Variants in KLHL9 observed in about 807,000 individuals in gnomAD.
The protein encoded by KLHL9 is kelch-like protein 9.
KLHL9 carries 27 observed loss-of-function variants against 42.3 expected under a neutral mutation model. The ratio of observed to expected loss-of-function variants is 0.64; its 90% CI spans 0.47 to 0.88. The LOEUF (loss-of-function observed/expected upper bound fraction) is 0.88. KLHL9 is among the 40% of genes least tolerant of loss of function. The pLI, the probability that KLHL9 is intolerant of heterozygous loss-of-function variation, is 0.00. For synonymous variants in KLHL9, 274 were observed against 254.4 expected (o/e 1.08, Z -0.73); for missense variants, 629 against 750.3 (o/e 0.84, Z 1.89).
chr9:21,329,779 T>TATATATATAA lies in KLHL9; in HGVS notation c.*3226_*3227insTTATATATAT, dbSNP rs1820138628. 6.7e-6 allele frequency: 1 copy of TATATATATAA among 150,140 alleles called. No homozygotes were observed. The highest frequency in any genetic ancestry group is 2.4e-5 in the African/African-American group (1 of 41,060). The allele number at this position is 150,140 out of a possible 1,614,324, so 9.3% of individuals were successfully genotyped here. A position where few individuals can be genotyped will look rare whatever the true frequency, so the allele number is the denominator to read the frequency against. On this transcript the variant is annotated 3_prime_UTR_variant, in exon 1 of 1. Coordinates refer to ENST00000359039, the MANE Select transcript of KLHL9 (RefSeq NM_018847.4). ...ACATATGTACGTATATATATATATA[T>TATATATATAA]AATATACTATTAATAGAAATTATCT...
At position 21,333,518 on chromosome 9, in the gene KLHL9, T is replaced by C; in HGVS notation, c.1342A>G (p.Met448Val). 6.2e-7 allele frequency: 1 copy of C among 1,614,214 alleles called. No homozygotes were observed. The highest frequency in any genetic ancestry group is 8.5e-7 in the Non-Finnish European group (1 of 1,180,040). Residue 448 changes from methionine (M) to valine (V), a missense_variant, in exon 1 of 1, where the codon ATG (methionine) becomes GTG (valine). By Grantham distance (21) the Met-to-Val change is conservative. Coordinates refer to ENST00000359039, the MANE Select transcript of KLHL9 (RefSeq NM_018847.4). This position sits in a 1 kb window ranked among gnomAD's most constrained non-coding sequence, Gnocchi z 7.5. Reference protein sequence around the residue: ...GHAGTVYGGLMYISGGITHDT... With the variant: ...GHAGTVYGGLVYISGGITHDT... ...TGGGTAATTCCTCCTGAAATATACA[T>C]TAAGCCTCCATATACTGTTCCAGCA...
chr9:21,333,130 A>C lies in KLHL9; in HGVS notation c.1730T>G (p.Val577Gly). 1 of 1,614,182 alleles carries C rather than the reference A, an allele frequency of 6.2e-7. No individual in the cohort carries two copies. The highest frequency in any genetic ancestry group is 8.5e-7 in the Non-Finnish European group (1 of 1,180,018). Residue 577 changes from valine (V) to glycine (G), a missense_variant, in exon 1 of 1, where the codon GTT becomes GGT. Around this residue, in one of 4 missense-constraint regions of KLHL9, gnomAD observed 61 missense variants for 63.5 expected, o/e 0.96. Coordinates refer to ENST00000359039, the MANE Select transcript of KLHL9 (RefSeq NM_018847.4). The surrounding 1 kb of genome is among the most constrained non-coding windows in gnomAD (Gnocchi z 7.5). ...YDPEKDEWHK[V>G]FDLPESLGGI... is the part of the protein sequence containing the mutation. ...ACCAAGTGACTCTGGAAGATCAAAA[A>C]CTTTATGCCACTCATCTTTTTCTGG...
chr9:21,333,432 C>G lies in KLHL9; in HGVS notation c.1428G>C (p.Lys476Asn). ...GACCTCTGACTGTAGTCATTGGAGCCTTTTGCATCCATTTATCTGTATCTG... is the reference window on the plus strand; with the variant it reads ...GACCTCTGACTGTAGTCATTGGAGCGTTTTGCATCCATTTATCTGTATCTG... ...FDPDTDKWMQ[K>N]APMTTVRGLH... is the part of the protein sequence containing the mutation. Residue 476 changes from lysine (K) to asparagine (N), a missense_variant, in exon 1 of 1, where the codon AAG (lysine) becomes AAC (asparagine). Around this residue, in one of 4 missense-constraint regions of KLHL9, gnomAD observed 214 missense variants for 305.8 expected, o/e 0.70. Transcript: ENST00000359039. The surrounding 1 kb of genome is among the most constrained non-coding windows in gnomAD (Gnocchi z 7.5). 6.2e-7 allele frequency: 1 copy of G among 1,614,218 alleles called. No individual in the cohort carries two copies. Among genetic ancestry groups the G allele is most frequent in the Non-Finnish European group, 8.5e-7 (1 of 1,180,040 alleles).
chr9:21,330,439 T>C lies in KLHL9; in HGVS notation c.*2567A>G, dbSNP rs757067595. 5 of 152,118 alleles carry C rather than the reference T, an allele frequency of 3.3e-5. No individual in the cohort carries two copies. Among genetic ancestry groups the C allele is most frequent in the Non-Finnish European group, 5.9e-5 (4 of 68,040 alleles). The allele number at this position is 152,118 out of a possible 1,614,324, so 9.4% of individuals were successfully genotyped here. On this transcript the variant is annotated 3_prime_UTR_variant, in exon 1 of 1. Coordinates refer to ENST00000359039, the MANE Select transcript of KLHL9 (RefSeq NM_018847.4). Reference sequence around the variant, plus strand: ...TAGGGCTGCTCAACCTGTATTAGCATAGCATTAGTCAGCTACCTGTATGAT... The same window carrying C: ...TAGGGCTGCTCAACCTGTATTAGCACAGCATTAGTCAGCTACCTGTATGAT...
chr9:21,334,228 G>C lies in KLHL9; in HGVS notation c.632C>G (p.Thr211Ser), dbSNP rs762279981. The C allele has an allele frequency of 6.2e-7, 1 of 1,614,122 alleles. No individual in the cohort carries two copies. The highest frequency in any genetic ancestry group is 8.5e-7 in the Non-Finnish European group (1 of 1,180,006). The change falls in exon 1 of 1, where the codon ACC becomes AGC. Residue 211 changes from threonine to serine, a missense_variant. By Grantham distance (58) the Thr-to-Ser change is moderately conservative. Around this residue, in one of 4 missense-constraint regions of KLHL9, gnomAD observed 351 missense variants for 363.1 expected, o/e 0.97. Transcript: ENST00000359039. The surrounding 1 kb of genome is among the most constrained non-coding windows in gnomAD (Gnocchi z 5.1). ...GGCTGCCTTAAAGAGTTCAAGTTCG[G>C]TACAGTGCTTAAGACTATTACTGGA... is the stretch of plus-strand genomic sequence containing the variant. Reference protein sequence around the residue: ...VLSSNSLKHCTELELFKAACR... With the variant: ...VLSSNSLKHCSELELFKAACR...
rs1021583562 is a variant in KLHL9 at position 21,333,534 on chromosome 9, T to C, written c.1326A>G (p.Thr442=). 1.2e-6 allele frequency: 2 copies of C among 1,614,220 alleles called. No individual in the cohort carries two copies. Among genetic ancestry groups the C allele is most frequent in the Non-Finnish European group, 1.7e-6 (2 of 1,180,038 alleles). ...AAATATACATTAAGCCTCCATATAC[T>C]GTTCCAGCATGACCATAGTGGGGTT... is the stretch of plus-strand genomic sequence containing the variant. ...MSEPHYGHAG[T]VYGGLMYISG... Residue 442 remains threonine (T), a synonymous_variant, in exon 1 of 1, where the codon ACA becomes ACG. Coordinates refer to ENST00000359039, the MANE Select transcript of KLHL9 (RefSeq NM_018847.4). The surrounding 1 kb of genome is among the most constrained non-coding windows in gnomAD (Gnocchi z 7.5).
In KLHL9 at chr9:21,330,695, A is replaced by G. The variant is rs1457275057; in HGVS notation, c.*2311T>C. ...GGGCAGTATCACCTTGATATGTCAG[A>G]ATAAGCACTGAAATACTACATAAAA... On this transcript the variant is annotated 3_prime_UTR_variant, in exon 1 of 1. Transcript: ENST00000359039. 1 of 152,208 alleles carries G rather than the reference A, an allele frequency of 6.6e-6. No individual in the cohort carries two copies. The highest frequency in any genetic ancestry group is 2.4e-5 in the African/African-American group (1 of 41,458). 9.4% of individuals were successfully genotyped at this position (152,208 alleles called of 1,614,324 possible).
In KLHL9 at chr9:21,332,623, T is replaced by C. The variant is rs1402963826; in HGVS notation, c.*383A>G. ...ACTACGAAAAGAGGGAGGTAACTAG[T>C]ATTAATACTTGGCAACCTTTCGTTA... On this transcript the variant is annotated 3_prime_UTR_variant, in exon 1 of 1. Transcript: ENST00000359039. 5.1e-6 allele frequency: 1 copy of C among 196,628 alleles called. No homozygotes were observed. The highest frequency in any genetic ancestry group is 1.1e-5 in the Non-Finnish European group (1 of 94,642). The allele number at this position is 196,628 out of a possible 1,614,324, so 12.2% of individuals were successfully genotyped here.
At position 21,333,812 on chromosome 9, in the gene KLHL9, A is replaced by T. The variant is rs1420538915; in HGVS notation, c.1048T>A (p.Tyr350Asn). 1.9e-6 allele frequency: 3 copies of T among 1,614,006 alleles called. No homozygotes were observed. Among genetic ancestry groups the T allele is most frequent in the Non-Finnish European group, 2.5e-6 (3 of 1,180,030 alleles). Residue 350 changes from tyrosine to asparagine, a missense_variant, in exon 1 of 1, where the codon TAT (tyrosine) becomes AAT (asparagine). By Grantham distance (143) the Tyr-to-Asn change is moderately radical. Transcript: ENST00000359039. This position sits in a 1 kb window ranked among gnomAD's most constrained non-coding sequence, Gnocchi z 7.5. ...TAATTACTCTGACCACCAACTACAT[A>T]AAGAAAGTTTCCAATGACAGCAATA... ...HGIAVIGNFL[Y>N]VVGGQSNYDT...
rs1563854331 is a variant in KLHL9, at chr9:21,333,533, C to T, written c.1327G>A (p.Val443Ile). ...SEPHYGHAGT[V>I]YGGLMYISGG... ...GAAATATACATTAAGCCTCCATATA[C>T]TGTTCCAGCATGACCATAGTGGGGT... The change falls in exon 1 of 1, where the codon GTA (valine) becomes ATA (isoleucine). Residue 443 changes from valine (V) to isoleucine (I), a missense_variant. Transcript: ENST00000359039. This position sits in a 1 kb window ranked among gnomAD's most constrained non-coding sequence, Gnocchi z 7.5. The T allele has an allele frequency of 9.3e-6, 15 of 1,614,072 alleles. No individual in the cohort carries two copies. The highest frequency in any genetic ancestry group is 1.3e-5 in the Non-Finnish European group (15 of 1,180,048).
Position 21,335,160 on chromosome 9 carries a change from C to T in KLHL9, c.-301G>A, listed in dbSNP as rs1820248086. Reference sequence around the variant, plus strand: ...CTGCGCTGCCGCTCCTTCAGCAGTTCCGCTTCGGGCAAGGAAGAGGCGCCG... The same window carrying T: ...CTGCGCTGCCGCTCCTTCAGCAGTTTCGCTTCGGGCAAGGAAGAGGCGCCG... On this transcript the variant is annotated 5_prime_UTR_variant, in exon 1 of 1. Transcript: ENST00000359039. 3.8e-6 allele frequency: 2 copies of T among 521,234 alleles called. No homozygotes were observed. Among genetic ancestry groups the T allele is most frequent in the East Asian group, 6.2e-5 (2 of 32,286 alleles). The allele number at this position is 521,234 out of a possible 1,614,324, so 32.3% of individuals were successfully genotyped here.
In KLHL9 at chr9:21,333,865, G is replaced by T. The variant is rs1209843578; in HGVS notation, c.995C>A (p.Pro332Gln). 2.5e-6 allele frequency: 4 copies of T among 1,613,878 alleles called. No individual in the cohort carries two copies. The Admixed American group carries it at 6.7e-5, about 27-fold the overall frequency. ...ATGCTGGTAACGGGGAGCATCCATT[G>T]GGGCTAAAGATCTCCATTCTTGTGC... is the stretch of plus-strand genomic sequence containing the variant. ...ERAQEWRSLA[P>Q]MDAPRYQHGI... Residue 332 changes from proline (P) to glutamine (Q), a missense_variant, in exon 1 of 1, where the codon CCA (proline) becomes CAA (glutamine). Around this residue, in one of 4 missense-constraint regions of KLHL9, gnomAD observed 214 missense variants for 305.8 expected, o/e 0.70. Transcript: ENST00000359039. The surrounding 1 kb of genome is among the most constrained non-coding windows in gnomAD (Gnocchi z 7.5).
chr9:21,334,798 G>T lies in KLHL9; in HGVS notation c.62C>A (p.Ala21Glu). 3.7e-6 allele frequency: 6 copies of T among 1,613,352 alleles called. No individual in the cohort carries two copies. The highest frequency in any genetic ancestry group is 5.1e-6 in the Non-Finnish European group (6 of 1,179,712). Residue 21 changes from alanine to glutamate, a missense_variant, in exon 1 of 1, where the codon GCA becomes GAA. Physicochemically the swap from Ala to Glu is moderately radical, Grantham distance 107 (BLOSUM62 -1). Transcript: ENST00000359039. The surrounding 1 kb of genome is among the most constrained non-coding windows in gnomAD (Gnocchi z 5.1). ...GCTGGTAAAAAAGCGTGTGGTTCCTGCCTTACAAGGCTGCAAATGGGCAGA... is the reference window on the plus strand; with the variant it reads ...GCTGGTAAAAAAGCGTGTGGTTCCTTCCTTACAAGGCTGCAAATGGGCAGA... ...GVSAHLQPCK[A>E]GTTRFFTSNT...
In KLHL9 at chr9:21,334,247, T is replaced by C. The variant is rs1820226063; in HGVS notation, c.613A>G (p.Asn205Asp). Reference sequence around the variant, plus strand: ...AGTTCGGTACAGTGCTTAAGACTATTACTGGAAAGCACAAATGCAAGTCGT... The same window carrying C: ...AGTTCGGTACAGTGCTTAAGACTATCACTGGAAAGCACAAATGCAAGTCGT... ...FERLAFVLSS[N>D]SLKHCTELEL... The change falls in exon 1 of 1, where the codon AAT becomes GAT. Residue 205 changes from asparagine to aspartate, a missense_variant. By Grantham distance (23) the Asn-to-Asp change is conservative. This residue lies in a region of KLHL9 where 351 missense variants were observed against 363.1 expected (regional missense o/e 0.97). Coordinates refer to ENST00000359039, the MANE Select transcript of KLHL9 (RefSeq NM_018847.4). The surrounding 1 kb of genome is among the most constrained non-coding windows in gnomAD (Gnocchi z 5.1). 5 of 1,614,178 alleles carry C rather than the reference T, an allele frequency of 3.1e-6. No homozygotes were observed. The highest frequency in any genetic ancestry group is 4.2e-6 in the Non-Finnish European group (5 of 1,180,004).
Position 21,334,344 on chromosome 9 carries a change from A to C in KLHL9, c.516T>G (p.Tyr172Ter). 6.2e-7 allele frequency: 1 copy of C among 1,613,632 alleles called. No homozygotes were observed. The highest frequency in any genetic ancestry group is 1.1e-5 in the South Asian group (1 of 91,072). ...NTYNLIEVDKYVNNFILKNFP... is the reference protein window; with the variant it reads ...NTYNLIEVDK ...AGTTCTTCAGGATGAAATTATTAAC[A>C]TATTTATCCACTTCTATAAGATTGT... The change falls in exon 1 of 1, where the codon TAT becomes TAG. Residue 172 changes from tyrosine to a stop codon, truncating the protein, a stop_gained. Coordinates refer to ENST00000359039, the MANE Select transcript of KLHL9 (RefSeq NM_018847.4). LOFTEE classifies it high-confidence loss of function. This position sits in a 1 kb window ranked among gnomAD's most constrained non-coding sequence, Gnocchi z 5.1.
In KLHL9 at chr9:21,333,028, G is replaced by A. The variant is rs1820201638; in HGVS notation, c.1832C>T (p.Ser611Leu). The change falls in exon 1 of 1, where the codon TCA (serine) becomes TTA (leucine). Residue 611 changes from serine to leucine, a missense_variant. Ser to Leu is a moderately radical substitution (Grantham distance 145, BLOSUM62 -2). This residue lies in a region of KLHL9 where 61 missense variants were observed against 63.5 expected (regional missense o/e 0.96). Coordinates refer to ENST00000359039, the MANE Select transcript of KLHL9 (RefSeq NM_018847.4). The surrounding 1 kb of genome is among the most constrained non-coding windows in gnomAD (Gnocchi z 7.5). ...PGSPSRESPL[S>L]APSDHS ...GACCTAAGAATGATCTGAAGGTGCT[G>A]AAAGAGGTGATTCTCTAGAAGGTGA... The A allele has an allele frequency of 1.9e-6, 3 of 1,614,148 alleles. No individual in the cohort carries two copies. The highest frequency in any genetic ancestry group is 2.5e-6 in the Non-Finnish European group (3 of 1,179,976).
At position 21,329,680 on chromosome 9, in the gene KLHL9, G is replaced by A. The variant is rs1235789897; in HGVS notation, c.*3326C>T. On this transcript the variant is annotated 3_prime_UTR_variant, in exon 1 of 1. Transcript: ENST00000359039. ...GTCATGATAATAGGAGTCTTTGGAAGGTGGATTTATTTTCATTATCCAGCT... is the reference window on the plus strand; with the variant it reads ...GTCATGATAATAGGAGTCTTTGGAAAGTGGATTTATTTTCATTATCCAGCT... 1.3e-5 allele frequency: 2 copies of A among 151,538 alleles called. No individual in the cohort carries two copies. Among genetic ancestry groups the A allele is most frequent in the African/African-American group, 4.8e-5 (2 of 41,278 alleles). The allele number at this position is 151,538 out of a possible 1,614,324, so 9.4% of individuals were successfully genotyped here. A position where few individuals can be genotyped will look rare whatever the true frequency, so the allele number is the denominator to read the frequency against.
Position 21,334,917 on chromosome 9 carries a change from T to C in KLHL9, c.-58A>G, listed in dbSNP as rs1820242395. The C allele has an allele frequency of 1.2e-6, 2 of 1,607,694 alleles. No homozygotes were observed. Among genetic ancestry groups the C allele is most frequent in the Non-Finnish European group, 8.5e-7 (1 of 1,178,228 alleles). On this transcript the variant is annotated 5_prime_UTR_variant, in exon 1 of 1. Coordinates refer to ENST00000359039, the MANE Select transcript of KLHL9 (RefSeq NM_018847.4). This position sits in a 1 kb window ranked among gnomAD's most constrained non-coding sequence, Gnocchi z 5.1. ...CCGGATAAAGAAGTTATAACCGGAA[T>C]GTTTTACAGGTAACGAGGTGTCCAG...
At position 21,334,320 on chromosome 9, in the gene KLHL9, GTTC is replaced by G. The variant is rs1456136713; in HGVS notation, c.537_539del (p.Lys179del). 6.2e-7 allele frequency: 1 copy of G among 1,613,838 alleles called. No homozygotes were observed. Among genetic ancestry groups the G allele is most frequent in the African/African-American group, 1.3e-5 (1 of 74,898 alleles). ...CCCCAGTACTCAATAAAGCAGGAAA[GTTC>G]TTCAGGATGAAATTATTAACATATT... is the stretch of plus-strand genomic sequence containing the variant. On this transcript the variant is annotated inframe_deletion, in exon 1 of 1. Transcript: ENST00000359039. This position sits in a 1 kb window ranked among gnomAD's most constrained non-coding sequence, Gnocchi z 5.1.
Sources: allele counts gnomAD v4.1 joint callset, GRCh38; gene constraint gnomAD v4.1.1; regional missense constraint gnomAD v4.1.1; non-coding constraint Gnocchi (gnomAD v3.1); transcripts MANE v1.5; gene names NCBI Gene and HGNC (gene_info 2026-07-23, HGNC 2026-07-21).